Variants in WDR45B observed in about 807,000 individuals in gnomAD.
WDR45B encodes the protein WD repeat domain phosphoinositide-interacting protein 3.
A neutral mutation model predicts 44.6 loss-of-function variants in WDR45B; 20 were observed. The observed-to-expected ratio is 0.45, with a 90% CI of 0.32 to 0.65. The LOEUF (loss-of-function observed/expected upper bound fraction) is 0.65. Among genes scored for constraint, WDR45B ranks in the 30% least tolerant of loss-of-function variants. The pLI is 0.05. For missense variants in WDR45B, 323 were observed against 430.2 expected (o/e 0.75, Z 2.20); for synonymous variants, 169 against 164.9 (o/e 1.02, Z -0.19).
chr17:82,625,797 A>G (rs576594469), intron 4 of WDR45B: 2 of 376,296 alleles, frequency 5.3e-6, no homozygotes, highest in South Asian at 2.5e-5. Flanking sequence ...GACAGAAGTG[A>G]TATTTTTATG....
chr17:82,643,660 T>C (rs548100443), intron 2 of WDR45B, among the ~76,000 whole-genome samples: 5 of 152,324 alleles, frequency 3.3e-5, no homozygotes, highest in African/African-American at 1.2e-4. Flanking sequence ...AGGTTTCTGC[T>C]GCCAAAAATC....
chr17:82,627,277 C>CA lies in WDR45B; in HGVS notation c.258dup (p.Asp87Ter). The CA allele has an allele frequency of 6.2e-7, 1 of 1,611,918 alleles. No homozygotes were observed. ...TCAATAACAGTCTTCTTCTTCAGGT[C>CA]ATCCCAGATCATTACTGAAATATCA... On this transcript the variant is annotated frameshift_variant, in exon 4 of 10. Coordinates refer to ENST00000392325, the MANE Select transcript of WDR45B (RefSeq NM_019613.4). LOFTEE classifies it high-confidence loss of function.
intron 2 of WDR45B, among the ~76,000 whole-genome samples, chr17:82,641,801 G>A (rs567125907): frequency 6.6e-6 from 1 of 152,204 alleles, no homozygotes; most frequent in Non-Finnish European, 1.5e-5. Context: ...GGGAGGCTGA[G>A]GCAGGAGAAA....
At chr17:82,644,368 G>A (rs765223591) in intron 1 of WDR45B, 5 of 368,986 alleles carry the variant, frequency 1.4e-5, no homozygotes, top group South Asian at 2.3e-5. Flanking sequence ...AGGCAATCCC[G>A]CCCACTGTGG....
chr17:82,634,266 A>C (rs1163225179), intron 2 of WDR45B, among the ~76,000 whole-genome samples: 1 of 151,482 alleles, frequency 6.6e-6, no homozygotes, highest in Non-Finnish European at 1.5e-5. Flanking sequence ...GAGGCAGGCG[A>C]ATCATGAGGT....
intron 2 of WDR45B, among the ~76,000 whole-genome samples, chr17:82,632,074 T>C (rs8081774): frequency 0.82 from 125,260 of 152,040 alleles, 51,960 homozygotes; most frequent in African/African-American, 0.91. Flanking sequence ...AGCGAGACTC[T>C]ATCTCAAGAT....
chr17:82,632,530 A>G (rs1568010617), intron 2 of WDR45B, among the ~76,000 whole-genome samples: 1 of 152,148 alleles, frequency 6.6e-6, no homozygotes, highest in Non-Finnish European at 1.5e-5. Flanking sequence ...GAGGTCTTCC[A>G]TGACAAAAGG....
intron 3 of WDR45B, among the ~76,000 whole-genome samples, chr17:82,629,289 T>C (rs1265475515): frequency 6.6e-6 from 1 of 152,194 alleles, no homozygotes; most frequent in Admixed American, 6.5e-5. Context: ...CTTTCCTCCT[T>C]AATGGTCAAT....
intron 5 of WDR45B, among the ~76,000 whole-genome samples, chr17:82,622,272 G>T (rs1209620965): frequency 6.6e-6 from 1 of 152,192 alleles, no homozygotes; most frequent in Non-Finnish European, 1.5e-5. Flanking sequence ...GAAGATCTGA[G>T]AGAGAGCTGG....
At chr17:82,633,994 C>A (rs1408205942) in intron 2 of WDR45B, among the ~76,000 whole-genome samples, 3 of 149,372 alleles carry the variant, frequency 2.0e-5, no homozygotes, top group African/African-American at 4.9e-5. Flanking sequence ...ACTAAAAATT[C>A]AAAAAAATTA....
intron 1 of WDR45B, among the ~76,000 whole-genome samples, chr17:82,646,511 A>AAAAAAAAAAAAAAAAAAAG (rs2045979155): frequency 2.2e-5 from 1 of 44,486 alleles, no homozygotes; most frequent in Non-Finnish European, 4.5e-5. Flanking sequence ...AAAAAAAAAA[A>AAAAAAAAAAAAAAAAAAAG]ACCCAAAACA....
chr17:82,616,439 G>T (rs62079683), intron 9 of WDR45B, 85 bp downstream of exon 9: 71,428 of 1,605,060 alleles, frequency 0.045, 1,740 homozygotes, highest in Middle Eastern at 0.07. Flanking sequence ...GTGCTGGGAC[G>T]TCCATGGGAA....
chr17:82,618,680 G>A (rs576156234), intron 7 of WDR45B, among the ~76,000 whole-genome samples: 1 of 152,166 alleles, frequency 6.6e-6, no homozygotes, highest in Admixed American at 6.5e-5. Context: ...GCTGTAGTGA[G>A]CTGTGATAGC....
At chr17:82,629,362 G>A (rs533495246) in intron 3 of WDR45B, among the ~76,000 whole-genome samples, 1 of 152,090 alleles carries the variant, frequency 6.6e-6, no homozygotes, top group Non-Finnish European at 1.5e-5. Flanking sequence ...TCCCCAATTA[G>A]CCAGGGCAAA....
intron 2 of WDR45B, among the ~76,000 whole-genome samples, chr17:82,638,240 G>GGGAGGGGAGA (rs1568014191): frequency 3.1e-4 from 1 of 3,262 alleles, no homozygotes; most frequent in Non-Finnish European, 9.0e-4. Flanking sequence ...AGGAGGGGAG[G>GGGAGGGGAGA]GGAGGGGAGG....
At chr17:82,629,619 TTC>T in intron 3 of WDR45B, 2 of 985,498 alleles carry the variant, frequency 2.0e-6, no homozygotes, top group Non-Finnish European at 2.4e-6. Context: ...CCCATTTCAT[TTC>T]TCTGTTCCTA....
Position 82,630,982 on chromosome 17 carries a change from A to C in WDR45B, c.183T>G (p.Phe61Leu), listed in dbSNP as rs1031160940. The C allele has an allele frequency of 6.2e-7, 1 of 1,613,752 alleles. No homozygotes were observed. The highest frequency in any genetic ancestry group is 8.5e-7 in the Non-Finnish European group (1 of 1,180,040). The change falls in exon 3 of 10, where the codon TTT becomes TTG. Residue 61 changes from phenylalanine to leucine, a missense_variant. Physicochemically the swap from Phe to Leu is conservative, Grantham distance 22. Coordinates refer to ENST00000392325, the MANE Select transcript of WDR45B (RefSeq NM_019613.4). ...EGGVGHVEML[F>L]RCNYLALVGG... ...CAACTAAAGCTAAATAGTTGCAGCG[A>C]AATAACATTTCAACATGGCCAACTC...
At chr17:82,616,421 A>C in intron 9 of WDR45B, 103 bp downstream of exon 9, 3 of 1,581,564 alleles carry the variant, frequency 1.9e-6, no homozygotes, top group Non-Finnish European at 2.6e-6. Flanking sequence ...CATCGGTGCC[A>C]CAGCGCGGTG....
At chr17:82,617,219 C>A in intron 8 of WDR45B, 77 bp downstream of exon 8, 1 of 1,351,164 alleles carries the variant, frequency 7.4e-7, no homozygotes, top group Non-Finnish European at 1.0e-6. Context: ...GGGTGGGGGG[C>A]CTGTCCCGTC....
Sources: allele counts gnomAD v4.1 joint callset (sites outside exome capture counted in the v4.1 genomes callset), GRCh38; gene constraint gnomAD v4.1.1; transcripts MANE v1.5; gene names NCBI Gene and HGNC (gene_info 2026-07-23, HGNC 2026-07-21).